NPY2R: variants seen among roughly 807,000 people sequenced by gnomAD.
NPY2R encodes the protein neuropeptide Y receptor type 2.
A neutral mutation model predicts 22.3 loss-of-function variants in NPY2R; 17 were observed. The observed-to-expected ratio is 0.76, with a 90% CI of 0.52 to 1.14. The LOEUF (loss-of-function observed/expected upper bound fraction) is 1.14, where lower values mean the gene tolerates loss of function less well. Ranked by LOEUF, NPY2R falls within the 50% of genes most tolerant of loss-of-function variation. The pLI is 0.00. For missense variants in NPY2R, 424 were observed against 467.9 expected (o/e 0.91, Z 0.87); for synonymous variants, 209 against 183.4 (o/e 1.14, Z -1.13).
chr4:155,205,302 A>T (rs527544684), upstream of NPY2R, among the ~76,000 whole-genome samples: 6 of 152,286 alleles, frequency 3.9e-5, no homozygotes, highest in South Asian at 1.0e-3. Context: ...TTCTTCTATG[A>T]TGTTTTTGTT....
the NPY2R span, among the ~76,000 whole-genome samples, chr4:155,189,437 A>C: frequency 3.3e-5 from 5 of 152,076 alleles, no homozygotes; most frequent in African/African-American, 1.2e-4. Flanking sequence ...TATCTGGTAG[A>C]TACAAATAAA....
At chr4:155,190,508 G>A in the NPY2R span, among the ~76,000 whole-genome samples, 1 of 151,908 alleles carries the variant, frequency 6.6e-6, no homozygotes. Context: ...ATATTAGTGA[G>A]TAAGGGACAG....
At chr4:155,210,214 G>A (rs1333373957) in intron 1 of NPY2R, among the ~76,000 whole-genome samples, 1 of 150,906 alleles carries the variant, frequency 6.6e-6, no homozygotes, top group African/African-American at 2.5e-5. Context: ...GTCATGAAAT[G>A]ATGCATTTTC....
the NPY2R span, among the ~76,000 whole-genome samples, chr4:155,189,244 C>T: frequency 6.6e-6 from 1 of 151,976 alleles, no homozygotes. Context: ...GCCTGGAGTA[C>T]ATCATCTTCA....
the NPY2R span, among the ~76,000 whole-genome samples, chr4:155,194,633 T>C: frequency 7.4e-3 from 1,124 of 152,116 alleles, 5 homozygotes; most frequent in Non-Finnish European, 0.012. Context: ...ATATTTTCTT[T>C]ATCCACCACT....
chr4:155,189,443 A>G, the NPY2R span, among the ~76,000 whole-genome samples: 1 of 152,004 alleles, frequency 6.6e-6, no homozygotes, highest in Non-Finnish European at 1.5e-5. Context: ...GTAGATACAA[A>G]TAAAATGTTA....
upstream of NPY2R, among the ~76,000 whole-genome samples, chr4:155,205,154 T>C (rs1303281573): frequency 6.6e-6 from 1 of 152,196 alleles, no homozygotes; most frequent in African/African-American, 2.4e-5. Flanking sequence ...ATTTCAGTTC[T>C]TCAGTTGCAC....
chr4:155,179,704 G>T, the NPY2R span, among the ~76,000 whole-genome samples: 11 of 152,084 alleles, frequency 7.2e-5, no homozygotes, highest in African/African-American at 2.7e-4. Context: ...ATATAGTTTG[G>T]GTTTTAGTCA....
At position 155,214,498 on chromosome 4, in the gene NPY2R, C is replaced by T. The variant is rs755399771; in HGVS notation, c.559C>T (p.Arg187Trp). The T allele has an allele frequency of 1.2e-5, 20 of 1,613,992 alleles. No homozygotes were observed. Among genetic ancestry groups the T allele is most frequent in the East Asian group, 2.2e-5 (1 of 44,878 alleles). ...GCTGGCAAGTCCCCTGGCCATCTTC[C>T]GGGAGTATTCGCTGATTGAGATCAT... ...ALLASPLAIF[R>W]EYSLIEIIPD... Residue 187 changes from arginine to tryptophan, a missense_variant, in exon 2 of 2, where the codon CGG becomes TGG. Physicochemically the swap from Arg to Trp is moderately radical, Grantham distance 101. Coordinates refer to ENST00000329476, the MANE Select transcript of NPY2R (RefSeq NM_000910.4).
At chr4:155,198,899 T>A in the NPY2R span, among the ~76,000 whole-genome samples, 1 of 151,854 alleles carries the variant, frequency 6.6e-6, no homozygotes, top group Non-Finnish European at 1.5e-5. Context: ...GAAAGTAGTG[T>A]TGAGAATGTG....
upstream of NPY2R, among the ~76,000 whole-genome samples, chr4:155,206,117 G>T (rs1729279294): frequency 6.6e-6 from 1 of 152,102 alleles, no homozygotes; most frequent in Non-Finnish European, 1.5e-5. Flanking sequence ...CTACAACCTA[G>T]CATGCTGGTC....
chr4:155,191,317 C>A, the NPY2R span, among the ~76,000 whole-genome samples: 5 of 151,882 alleles, frequency 3.3e-5, no homozygotes, highest in African/African-American at 4.8e-5. Context: ...ATCTCACATT[C>A]TTTGTCCAAT....
chr4:155,209,964 G>A (rs1046629311), intron 1 of NPY2R, among the ~76,000 whole-genome samples: 1 of 152,102 alleles, frequency 6.6e-6, no homozygotes, highest in African/African-American at 2.4e-5. Flanking sequence ...GGGAAGTCCT[G>A]AAACTCTTTT....
chr4:155,198,627 G>C, the NPY2R span, among the ~76,000 whole-genome samples: 17 of 76,960 alleles, frequency 2.2e-4, no homozygotes, highest in Non-Finnish European at 3.9e-4. Context: ...TTTTTCTGTT[G>C]GGGAAAGCTA....
chr4:155,199,673 A>G, the NPY2R span, among the ~76,000 whole-genome samples: 1 of 152,154 alleles, frequency 6.6e-6, no homozygotes, highest in Non-Finnish European at 1.5e-5. Context: ...ACAGAAATAT[A>G]GACCAATGGA....
At chr4:155,210,322 C>T (rs553633594) in intron 1 of NPY2R, among the ~76,000 whole-genome samples, 1 of 152,202 alleles carries the variant, frequency 6.6e-6, no homozygotes, top group East Asian at 1.9e-4. Flanking sequence ...AACAACCATT[C>T]CTACAGAGAA....
upstream of NPY2R, among the ~76,000 whole-genome samples, chr4:155,204,350 T>C (rs1185873566): frequency 2.6e-5 from 4 of 152,228 alleles, no homozygotes; most frequent in Non-Finnish European, 4.4e-5. Flanking sequence ...ACTGAAATTT[T>C]ATACTGAACA....
At chr4:155,201,390 G>A in the NPY2R span, among the ~76,000 whole-genome samples, 1,190 of 152,220 alleles carry the variant, frequency 7.8e-3, 24 homozygotes, top group African/African-American at 0.027. Flanking sequence ...TAAACAGGGG[G>A]AAGCATGAGC....
the NPY2R span, among the ~76,000 whole-genome samples, chr4:155,200,087 T>C: frequency 2.0e-5 from 3 of 152,128 alleles, no homozygotes; most frequent in Non-Finnish European, 2.9e-5. Context: ...TGAGACAAGT[T>C]TGCAATATAC....
Sources: gnomAD v4.1 joint callset for allele counts (sites outside exome capture counted in the v4.1 genomes callset) on GRCh38, gnomAD v4.1.1 for gene constraint, MANE v1.5 for transcripts, NCBI Gene and HGNC (gene_info 2026-07-23, HGNC 2026-07-21) for gene names.